CNTNAP2: variants seen among roughly 807,000 people sequenced by gnomAD.
The protein encoded by CNTNAP2 is contactin associated protein 2, also known as contactin-associated protein-like 2.
A neutral mutation model predicts 155.2 loss-of-function variants in CNTNAP2; 98 were observed. That is an observed-to-expected ratio of 0.63 (90% confidence interval 0.54 to 0.75). The LOEUF is 0.75. CNTNAP2 is among the 30% of genes least tolerant of loss of function. The pLI, the probability that CNTNAP2 is intolerant of heterozygous loss-of-function variation, is 0.00. For missense variants in CNTNAP2, 1,727 were observed against 1,688.1 expected (o/e 1.02, Z -0.40); for synonymous variants, 651 against 631.2 (o/e 1.03, Z -0.47).
At chr7:146,547,558 C>T (rs1463245104) in intron 1 of CNTNAP2, among the ~76,000 whole-genome samples, 1 of 151,934 alleles carries the variant, frequency 6.6e-6, no homozygotes, top group Non-Finnish European at 1.5e-5. Flanking sequence ...TAGGTACCTC[C>T]TCCCAGAGAA....
intron 10 of CNTNAP2, among the ~76,000 whole-genome samples, chr7:147,453,571 T>C (rs1373011144): frequency 2.0e-5 from 3 of 152,192 alleles, no homozygotes; most frequent in Admixed American, 2.0e-4. Context: ...TTAGGCGTTA[T>C]ATTCTACATT....
intron 9 of CNTNAP2, among the ~76,000 whole-genome samples, chr7:147,329,558 T>A (rs1005898763): frequency 2.0e-5 from 3 of 152,108 alleles, no homozygotes; most frequent in South Asian, 2.1e-4. Context: ...AATCCTGGCC[T>A]CATGGTGCAG....
At chr7:147,855,147 G>C (rs1262968119) in intron 13 of CNTNAP2, among the ~76,000 whole-genome samples, 1 of 152,034 alleles carries the variant, frequency 6.6e-6, no homozygotes, top group African/African-American at 2.4e-5. Context: ...CTCTACTAGA[G>C]TGTGATGTAG....
At chr7:147,044,192 G>A (rs943684060) in intron 4 of CNTNAP2, 138 bp downstream of exon 4, 1 of 877,614 alleles carries the variant, frequency 1.1e-6, no homozygotes, top group African/African-American at 1.7e-5. Context: ...ATGTATCTAT[G>A]CATAGATACA....
intron 8 of CNTNAP2, among the ~76,000 whole-genome samples, chr7:147,192,557 T>C (rs1802702076): frequency 6.6e-6 from 1 of 151,842 alleles, no homozygotes; most frequent in Non-Finnish European, 1.5e-5. Context: ...CCCCACCCTC[T>C]CCAAGTGACT....
At chr7:147,291,426 C>T (rs1292590629) in intron 8 of CNTNAP2, among the ~76,000 whole-genome samples, 1 of 151,918 alleles carries the variant, frequency 6.6e-6, no homozygotes, top group Non-Finnish European at 1.5e-5. Context: ...TTTTTATGTC[C>T]AGGTTTTTCT....
At chr7:148,244,717 C>T (rs1796224158) in intron 20 of CNTNAP2, among the ~76,000 whole-genome samples, 1 of 151,868 alleles carries the variant, frequency 6.6e-6, no homozygotes, top group African/African-American at 2.4e-5. Context: ...CATGAGCCAC[C>T]ACACCCGGCT....
At chr7:146,475,617 A>T (rs1796866288) in intron 1 of CNTNAP2, among the ~76,000 whole-genome samples, 1 of 152,148 alleles carries the variant, frequency 6.6e-6, no homozygotes, top group South Asian at 2.1e-4. Context: ...TACAGTCAAG[A>T]TCTGGGAGAC....
intron 13 of CNTNAP2, chr7:147,849,807 T>G (rs1402041826): frequency 6.6e-6 from 1 of 152,244 alleles, no homozygotes; most frequent in African/African-American, 2.4e-5. Context: ...TAAGTCCTTT[T>G]TAGCAATAGG....
intron 9 of CNTNAP2, among the ~76,000 whole-genome samples, chr7:147,319,510 TG>T (rs2116816687): frequency 6.6e-6 from 1 of 152,260 alleles, no homozygotes; most frequent in South Asian, 2.1e-4. Flanking sequence ...CCCTAGTAGC[TG>T]GGACTATAGG....
intron 15 of CNTNAP2, among the ~76,000 whole-genome samples, chr7:148,005,828 G>C (rs1037727217): frequency 5.3e-5 from 8 of 152,090 alleles, no homozygotes; most frequent in Non-Finnish European, 1.0e-4. Flanking sequence ...AAGTATTATT[G>C]CTTTGTTACT....
intron 1 of CNTNAP2, among the ~76,000 whole-genome samples, chr7:146,290,201 T>C (rs1433870094): frequency 6.6e-6 from 1 of 152,156 alleles, no homozygotes; most frequent in African/African-American, 2.4e-5. Flanking sequence ...CTGAACAATG[T>C]AGGGCAACAC....
intron 3 of CNTNAP2, among the ~76,000 whole-genome samples, chr7:147,000,846 A>G (rs988602896): frequency 6.6e-6 from 1 of 152,130 alleles, no homozygotes; most frequent in East Asian, 1.9e-4. Context: ...TTAGAATCCA[A>G]GGCTGCTATA....
intron 1 of CNTNAP2, among the ~76,000 whole-genome samples, chr7:146,771,354 G>A (rs575594571): frequency 2.6e-5 from 4 of 152,126 alleles, no homozygotes; most frequent in Admixed American, 6.5e-5. Context: ...CTAATATAAC[G>A]GGAACATTAG....
At chr7:147,328,339 A>C (rs1267965998) in intron 9 of CNTNAP2, among the ~76,000 whole-genome samples, 1 of 152,228 alleles carries the variant, frequency 6.6e-6, no homozygotes, top group Non-Finnish European at 1.5e-5. Context: ...AAACTAAATC[A>C]TACATTCTGT....
chr7:147,163,179 A>G (rs1387239311), intron 8 of CNTNAP2, among the ~76,000 whole-genome samples: 1 of 152,138 alleles, frequency 6.6e-6, no homozygotes, highest in Non-Finnish European at 1.5e-5. Context: ...TGATGGTGGC[A>G]AGAACCAGAA....
chr7:147,703,869 C>T (rs189242290), intron 13 of CNTNAP2, among the ~76,000 whole-genome samples: 290 of 152,326 alleles, frequency 1.9e-3, no homozygotes, highest in South Asian at 4.6e-3. Context: ...CATGCACACA[C>T]CCTTCCCAGC....
intron 3 of CNTNAP2, among the ~76,000 whole-genome samples, chr7:146,947,416 A>C (rs202165892): frequency 0.072 from 9,716 of 135,454 alleles, 443 homozygotes; most frequent in East Asian, 0.17. Flanking sequence ...CTCTCTATAT[A>C]TATATATATA....
chr7:146,579,528 C>A (rs1051757110), intron 1 of CNTNAP2, among the ~76,000 whole-genome samples: 3 of 152,004 alleles, frequency 2.0e-5, no homozygotes, highest in African/African-American at 7.2e-5. Context: ...CAGAAAGCTC[C>A]GTAAATTGAA....
Sources: allele counts gnomAD v4.1 joint callset (sites outside exome capture counted in the v4.1 genomes callset), GRCh38; gene constraint gnomAD v4.1.1; transcripts MANE v1.5; gene names NCBI Gene and HGNC (gene_info 2026-07-23, HGNC 2026-07-21).